Variants in EYS observed in about 807,000 individuals in gnomAD.
EYS encodes protein eyes shut homolog.
Under a neutral mutation model 282.1 loss-of-function variants are expected in EYS, and 250 were observed. The observed-to-expected ratio is 0.89, with a 90% CI of 0.80 to 0.98. EYS has a LOEUF of 0.98. Among genes scored for constraint, EYS ranks in the 50% least tolerant of loss-of-function variants. The pLI is 0.00. For missense variants in EYS, 4,016 were observed against 3,709.0 expected, an observed-to-expected ratio of 1.08 and a Z score of -2.15; for synonymous variants, 1,355 against 1,282.9, an observed-to-expected ratio of 1.06 and a Z score of -1.20.
At chr6:63,809,584 TTAAAC>T (rs1333453540) in intron 36 of EYS, among the ~76,000 whole-genome samples, 8 of 152,184 alleles carry the variant, frequency 5.3e-5, no homozygotes, top group African/African-American at 1.9e-4. Flanking sequence ...ATGCTGGAAT[TTAAAC>T]TAAAATAAAT....
intron 5 of EYS, among the ~76,000 whole-genome samples, chr6:65,450,307 A>G (rs1479270103): frequency 4.6e-5 from 7 of 152,140 alleles, no homozygotes; most frequent in African/African-American, 1.4e-4. Flanking sequence ...AATAAATGTA[A>G]CTTTATCCTA....
chr6:65,662,639 C>T (rs145701311), intron 1 of EYS, among the ~76,000 whole-genome samples: 2,073 of 152,262 alleles, frequency 0.014, 16 homozygotes, highest in African/African-American at 0.018. Context: ...ATAATCCATG[C>T]TCAGGGTGGA....
chr6:64,892,965 A>G (rs1459912283), intron 18 of EYS, among the ~76,000 whole-genome samples: 1 of 152,064 alleles, frequency 6.6e-6, no homozygotes, highest in East Asian at 1.9e-4. Flanking sequence ...GTTGGTAATG[A>G]TCTCGCTATG....
intron 35 of EYS, among the ~76,000 whole-genome samples, chr6:63,968,043 G>T (rs931672550): frequency 6.6e-6 from 1 of 152,112 alleles, no homozygotes; most frequent in Non-Finnish European, 1.5e-5. Context: ...AGATTGTACT[G>T]TCACAAGTAC....
chr6:65,089,037 G>A (rs568837580), intron 12 of EYS, among the ~76,000 whole-genome samples: 1 of 152,286 alleles, frequency 6.6e-6, no homozygotes, highest in African/African-American at 2.4e-5. Flanking sequence ...CTAGATATCA[G>A]GGGATGAATG....
At chr6:64,424,063 TGAGA>T (rs759779528) in intron 28 of EYS, among the ~76,000 whole-genome samples, 1 of 151,530 alleles carries the variant, frequency 6.6e-6, no homozygotes, top group African/African-American at 2.4e-5. Flanking sequence ...TCCATTTTAG[TGAGA>T]AAGTTCTTCA....
intron 22 of EYS, among the ~76,000 whole-genome samples, chr6:64,750,010 A>T (rs953015321): frequency 2.6e-5 from 4 of 152,040 alleles, no homozygotes; most frequent in Non-Finnish European, 5.9e-5. Flanking sequence ...GTTTCATTAC[A>T]AAATTTTATT....
In EYS at chr6:65,494,706, C is replaced by A; in HGVS notation, c.705G>T (p.Trp235Cys). 1 of 1,599,404 alleles carries A rather than the reference C, an allele frequency of 6.3e-7. No homozygotes were observed. Among genetic ancestry groups the A allele is most frequent in the South Asian group, 1.1e-5 (1 of 89,358 alleles). Residue 235 changes from tryptophan to cysteine, a missense_variant, in exon 4 of 43, where the codon TGG becomes TGT. Coordinates refer to ENST00000503581, the MANE Select transcript of EYS (RefSeq NM_001142800.2). The stretch of plus-strand genomic sequence containing the variant: ...AGACACATTCATATGCTTGCTCATC[C>A]CAATTTTCTCTTTTATTAATGCAAC... ...NGSCINKRENWDEQAYECVCH... is the reference protein window; with the variant it reads ...NGSCINKRENCDEQAYECVCH...
At chr6:64,586,033 T>A (rs1228068394) in intron 26 of EYS, among the ~76,000 whole-genome samples, 1 of 152,118 alleles carries the variant, frequency 6.6e-6, no homozygotes, top group African/African-American at 2.4e-5. Context: ...TGCTTAATGC[T>A]ATGATTTGGA....
intron 35 of EYS, among the ~76,000 whole-genome samples, chr6:63,874,569 C>T (rs1001013989): frequency 1.3e-5 from 2 of 152,084 alleles, no homozygotes; most frequent in Non-Finnish European, 2.9e-5. Context: ...GTCATTGAAT[C>T]TATAGATTAC....
Position 64,639,518 on chromosome 6 carries a change from G to C in EYS, c.3444-13273C>G, listed in dbSNP as rs1387776921. Reference sequence around the variant, plus strand: ...TTAGTGAAAAGGCATTGCATGGGAGGCCCTTATGCTAAAGATTAAAATTCC... The same window carrying C: ...TTAGTGAAAAGGCATTGCATGGGAGCCCCTTATGCTAAAGATTAAAATTCC... On this transcript the variant is annotated intron_variant, in intron 22 of 42. Transcript: ENST00000503581. Among the ~76,000 whole-genome samples the C allele has an allele frequency of 2.2e-5, 2 of 90,332 alleles. 1 individual carries two copies. The highest frequency in any genetic ancestry group is 4.8e-5 in the Non-Finnish European group (2 of 42,102). The allele number at this position is 90,332 out of a possible 152,430, so 59.3% of individuals were successfully genotyped here. A position where few individuals can be genotyped will look rare whatever the true frequency, so the allele number is the denominator to read the frequency against.
At chr6:65,488,829 T>C (rs923931392) in intron 5 of EYS, among the ~76,000 whole-genome samples, 1 of 152,132 alleles carries the variant, frequency 6.6e-6, no homozygotes, top group African/African-American at 2.4e-5. Context: ...ACCACACATC[T>C]ACCATCATCT....
chr6:64,346,732 A>AC (rs2150400574), intron 29 of EYS, among the ~76,000 whole-genome samples: 1 of 151,518 alleles, frequency 6.6e-6, no homozygotes, highest in South Asian at 2.1e-4. Flanking sequence ...ACAAAACAAA[A>AC]AAACATTTTC....
intron 19 of EYS, among the ~76,000 whole-genome samples, chr6:64,883,834 C>T (rs111958482): frequency 0.018 from 1,807 of 101,998 alleles, 16 homozygotes; most frequent in Non-Finnish European, 0.026. Flanking sequence ...ACTACCACTA[C>T]GTGTGTAAAT....
At chr6:63,852,259 A>G (rs1021083528) in intron 36 of EYS, among the ~76,000 whole-genome samples, 7 of 151,864 alleles carry the variant, frequency 4.6e-5, no homozygotes, top group African/African-American at 1.7e-4. Context: ...GAAAAGGGAG[A>G]AGAATCAAAT....
chr6:65,174,087 A>G (rs1316730786), intron 12 of EYS, among the ~76,000 whole-genome samples: 3 of 151,322 alleles, frequency 2.0e-5, no homozygotes, highest in Non-Finnish European at 4.4e-5. Flanking sequence ...AAAAAATGCT[A>G]TAACAGGGAC....
At chr6:64,558,552 A>G (rs1394527911) in intron 26 of EYS, among the ~76,000 whole-genome samples, 1 of 152,126 alleles carries the variant, frequency 6.6e-6, no homozygotes, top group Non-Finnish European at 1.5e-5. Context: ...AACAACAACA[A>G]AAAAAACACA....
chr6:64,077,062 C>A (rs746953335), intron 32 of EYS, among the ~76,000 whole-genome samples: 9 of 151,990 alleles, frequency 5.9e-5, no homozygotes, highest in Non-Finnish European at 1.3e-4. Flanking sequence ...AGATGAAATA[C>A]AATGAATAGA....
At chr6:64,479,498 T>G (rs1398526139) in intron 26 of EYS, among the ~76,000 whole-genome samples, 1 of 151,948 alleles carries the variant, frequency 6.6e-6, no homozygotes, top group African/African-American at 2.4e-5. Flanking sequence ...ACTGGACAAT[T>G]GACTCTTGTC....
Sources: allele counts gnomAD v4.1 joint callset (sites outside exome capture counted in the v4.1 genomes callset), GRCh38; gene constraint gnomAD v4.1.1; transcripts MANE v1.5; gene names NCBI Gene and HGNC (gene_info 2026-07-23, HGNC 2026-07-21).